The following PDE4D variants were observed in gnomAD, a reference collection of about 807,000 sequenced individuals.
The protein encoded by PDE4D is 3',5'-cyclic-AMP phosphodiesterase 4D.
A neutral mutation model predicts 87.4 loss-of-function variants in PDE4D; 24 were observed. The observed-to-expected ratio is 0.27, with a 90% CI of 0.20 to 0.39. The LOEUF (loss-of-function observed/expected upper bound fraction) is 0.39, where lower values mean the gene tolerates loss of function less well. Ranked by LOEUF, PDE4D falls within the 10% of genes least tolerant of loss-of-function variation. The pLI, the probability that PDE4D is intolerant of heterozygous loss-of-function variation, is 1.00. For synonymous variants in PDE4D, 384 were observed against 383.2 expected (o/e 1.00, Z -0.02); for missense variants, 714 against 1,041.0 (o/e 0.69, Z 4.32).
At chr5:59,656,944 G>A (rs1005501644) in intron 1 of PDE4D, among the ~76,000 whole-genome samples, 3 of 151,964 alleles carry the variant, frequency 2.0e-5, no homozygotes, top group African/African-American at 7.3e-5. Context: ...TGTCATTTCA[G>A]TCTCTCAGAA....
At chr5:60,374,190 A>G (rs527980770) in intron 1 of PDE4D, among the ~76,000 whole-genome samples, 1 of 152,278 alleles carries the variant, frequency 6.6e-6, no homozygotes, top group South Asian at 2.1e-4. Context: ...CAATCCCCCA[A>G]AATGACAACT....
intron 1 of PDE4D, among the ~76,000 whole-genome samples, chr5:59,677,674 G>A (rs1748329950): frequency 6.6e-6 from 1 of 152,162 alleles, no homozygotes; most frequent in Non-Finnish European, 1.5e-5. Context: ...GTAACAGCAG[G>A]ATGTGTACTG....
rs1743606420 is a variant in PDE4D at position 58,975,893 on chromosome 5, AAAAAC to A, written c.1831-59_1831-55del. 1 of 1,258,774 alleles carries A rather than the reference AAAAAC, an allele frequency of 7.9e-7. No homozygotes were observed. The highest frequency in any genetic ancestry group is 1.6e-5 in the African/African-American group (1 of 64,250). The allele number at this position is 1,258,774 out of a possible 1,614,324, so 78.0% of individuals were successfully genotyped here. On this transcript the variant is annotated intron_variant, in intron 13 of 14. Transcript: ENST00000340635. This position sits in a 1 kb window ranked among gnomAD's most constrained non-coding sequence, Gnocchi z 4.2. ...ACTCCTGTTCCTTTTTTTTAAAAAA[AAAAAC>A]AAAAAAAACTAGAAATTCACATTGG...
rs552243057 is a variant in PDE4D at position 59,193,409 on chromosome 5, A to T, written c.684+91T>A. On this transcript the variant is annotated intron_variant, in intron 3 of 14. Coordinates refer to ENST00000340635, the MANE Select transcript of PDE4D (RefSeq NM_001104631.2). Reference sequence around the variant, plus strand: ...TTGTATTTGTACTTGTGCTTGATTTAAAATTAAATTAAATTAATAACCCGA... The same window carrying T: ...TTGTATTTGTACTTGTGCTTGATTTTAAATTAAATTAAATTAATAACCCGA... 5.2e-4 allele frequency: 611 copies of T among 1,177,574 alleles called. 5 individuals are homozygous for T. In the South Asian group the frequency reaches 6.0e-3, roughly 12 times the overall value. 72.9% of individuals were successfully genotyped at this position (1,177,574 alleles called of 1,614,324 possible). A position where few individuals can be genotyped will look rare whatever the true frequency, so the allele number is the denominator to read the frequency against.
intron 1 of PDE4D, among the ~76,000 whole-genome samples, chr5:59,351,086 T>C (rs1780460652): frequency 6.6e-6 from 1 of 152,202 alleles, no homozygotes; most frequent in African/African-American, 2.4e-5. Context: ...AGTGAAGACT[T>C]GGAAAATGCT....
chr5:59,714,435 G>T (rs1002797163), intron 1 of PDE4D, among the ~76,000 whole-genome samples: 1 of 152,178 alleles, frequency 6.6e-6, no homozygotes, highest in Non-Finnish European at 1.5e-5. Flanking sequence ...GGGGACACCA[G>T]ACAAATAGAG....
chr5:59,542,418 T>C (rs1057048804), intron 1 of PDE4D, among the ~76,000 whole-genome samples: 2 of 152,130 alleles, frequency 1.3e-5, no homozygotes, highest in Non-Finnish European at 2.9e-5. Flanking sequence ...CAGAGAGTAA[T>C]ATAATTGGTG....
chr5:59,129,129 G>C (rs963252405), intron 5 of PDE4D, among the ~76,000 whole-genome samples: 1 of 152,160 alleles, frequency 6.6e-6, no homozygotes, highest in Non-Finnish European at 1.5e-5. Context: ...TTTGATTAAA[G>C]TGATATTTCA....
chr5:59,949,577 C>T (rs1174055691), intron 3 of PDE4D, among the ~76,000 whole-genome samples: 2 of 152,094 alleles, frequency 1.3e-5, no homozygotes, highest in African/African-American at 4.8e-5. Flanking sequence ...TAGTGGAGAG[C>T]CCATTCCTTG....
chr5:59,832,127 C>T (rs1741339690), intron 1 of PDE4D, among the ~76,000 whole-genome samples: 1 of 152,190 alleles, frequency 6.6e-6, no homozygotes, highest in Non-Finnish European at 1.5e-5. Flanking sequence ...AGTGCGGGAT[C>T]GAAAAATCAA....
chr5:59,122,911 T>C (rs978565700), intron 5 of PDE4D, among the ~76,000 whole-genome samples: 2 of 152,192 alleles, frequency 1.3e-5, no homozygotes, highest in African/African-American at 4.8e-5. Flanking sequence ...AAAAATTCTA[T>C]GCCCACAATC....
rs964048779 is a variant in PDE4D at position 58,970,979 on chromosome 5, A to G, written c.*3685T>C. 14 of 151,956 alleles carry G rather than the reference A, an allele frequency of 9.2e-5. No individual in the cohort carries two copies. Among genetic ancestry groups the G allele is most frequent in the African/African-American group, 3.1e-4 (13 of 41,380 alleles). 9.4% of individuals were successfully genotyped at this position (151,956 alleles called of 1,614,324 possible). A position where few individuals can be genotyped will look rare whatever the true frequency, so the allele number is the denominator to read the frequency against. On this transcript the variant is annotated 3_prime_UTR_variant, in exon 15 of 15. Coordinates refer to ENST00000340635, the MANE Select transcript of PDE4D (RefSeq NM_001104631.2). ...GTTCCTGATCAACAGATGGCAAACA[A>G]CCATCACACATGCAGTGCTGCTCCC...
At chr5:60,316,060 C>T (rs957649158) in intron 1 of PDE4D, among the ~76,000 whole-genome samples, 4 of 152,074 alleles carry the variant, frequency 2.6e-5, no homozygotes, top group African/African-American at 7.2e-5. Flanking sequence ...GGCATTGAAT[C>T]GATAAATTAC....
chr5:60,061,330 A>G (rs148892636), intron 2 of PDE4D, among the ~76,000 whole-genome samples: 118 of 152,266 alleles, frequency 7.7e-4, no homozygotes, highest in Non-Finnish European at 1.2e-3. Context: ...TCCCATTCAC[A>G]ATTGTTACAA....
At chr5:60,379,263 A>G (rs1761676640) in intron 1 of PDE4D, among the ~76,000 whole-genome samples, 1 of 152,064 alleles carries the variant, frequency 6.6e-6, no homozygotes, top group African/African-American at 2.4e-5. Context: ...GCCAGGGACT[A>G]GTTTTTATTT....
intron 1 of PDE4D, among the ~76,000 whole-genome samples, chr5:60,421,649 A>C (rs1743110414): frequency 6.6e-6 from 1 of 152,228 alleles, no homozygotes; most frequent in Non-Finnish European, 1.5e-5. Context: ...CCAAAGGATC[A>C]CAGCTCCTCA....
At chr5:60,298,581 C>T (rs1753617813) in intron 1 of PDE4D, among the ~76,000 whole-genome samples, 1 of 152,144 alleles carries the variant, frequency 6.6e-6, no homozygotes, top group African/African-American at 2.4e-5. Context: ...AATTTCCCTC[C>T]CACTCTAATC....
chr5:59,450,678 C>T (rs904004990), intron 1 of PDE4D, among the ~76,000 whole-genome samples: 1 of 152,092 alleles, frequency 6.6e-6, no homozygotes, highest in Non-Finnish European at 1.5e-5. Flanking sequence ...GATGATATTC[C>T]TACTCAAAGA....
At chr5:59,848,050 T>G (rs1023133006) in intron 1 of PDE4D, among the ~76,000 whole-genome samples, 4 of 152,164 alleles carry the variant, frequency 2.6e-5, no homozygotes, top group Non-Finnish European at 4.4e-5. Flanking sequence ...GAGCAATTCT[T>G]CAAAAGAAAG....
Sources: gnomAD v4.1 joint callset for allele counts (sites outside exome capture counted in the v4.1 genomes callset) on GRCh38, gnomAD v4.1.1 for gene constraint, Gnocchi (gnomAD v3.1) non-coding constraint, MANE v1.5 for transcripts, NCBI Gene and HGNC (gene_info 2026-07-23, HGNC 2026-07-21) for gene names.